Variants in TMEM71 observed in about 807,000 individuals in gnomAD.
The protein encoded by TMEM71 is transmembrane protein 71.
A neutral mutation model predicts 38.0 loss-of-function variants in TMEM71; 44 were observed. The ratio of observed to expected loss-of-function variants is 1.16; its 90% CI spans 0.91 to 1.49. The LOEUF is 1.49. Among genes scored for constraint, TMEM71 ranks in the 40% most tolerant of loss-of-function variants. TMEM71 has a pLI of 0.00. For missense variants in TMEM71, 367 were observed against 348.6 expected (o/e 1.05, Z -0.42); for synonymous variants, 133 against 122.5 (o/e 1.09, Z -0.56).
chr8:132,714,224 A>G lies in TMEM71; in HGVS notation c.753-9T>C. The G allele has an allele frequency of 6.2e-7, 1 of 1,606,082 alleles. No individual in the cohort carries two copies. Among genetic ancestry groups the G allele is most frequent in the Non-Finnish European group, 8.5e-7 (1 of 1,174,326 alleles). ...TTTCTCCCATAAACCATCTGAAACA[A>G]CAAGATTGCTCTGATTTAGCATACT... On this transcript the variant is annotated splice_polypyrimidine_tract_variant and intron_variant, in intron 7 of 9. Transcript: ENST00000677595.
chr8:132,732,828 A>G (rs1563748817), intron 5 of TMEM71, among the ~76,000 whole-genome samples: 1 of 152,132 alleles, frequency 6.6e-6, no homozygotes, highest in Non-Finnish European at 1.5e-5. Context: ...ACGGGCATCT[A>G]CTGAACAGAG....
In TMEM71 at chr8:132,747,028, A is replaced by G; in HGVS notation, c.401T>C (p.Ile134Thr). 2 of 1,613,886 alleles carry G rather than the reference A, an allele frequency of 1.2e-6. No individual in the cohort carries two copies. The highest frequency in any genetic ancestry group is 1.7e-6 in the Non-Finnish European group (2 of 1,179,926). ...TGGAGAAGAGTTGATGTCACCAAAG[A>G]TACTTCCATGCAGCCAAGATTTGGA... ...STSKSWLHGS[I>T]FGDINSSPSE... Residue 134 changes from isoleucine to threonine, a missense_variant, in exon 5 of 10, where the codon ATC becomes ACC. By Grantham distance (89) the Ile-to-Thr change is moderately conservative. Coordinates refer to ENST00000677595, the MANE Select transcript of TMEM71 (RefSeq NM_001382403.1).
Position 132,751,869 on chromosome 8 carries a change from T to C in TMEM71, c.230A>G (p.Glu77Gly). ...ATCTTTGTCGCACAGGAAGCTGTCT[T>C]CAGTCCAAATATAGTAGCCATTGGT... Reference protein sequence around the residue: ...LLTNGYYIWTEDSFLCDKDGN... With the variant: ...LLTNGYYIWTGDSFLCDKDGN... The change falls in exon 4 of 10, where the codon GAA becomes GGA. Residue 77 changes from glutamate (E) to glycine (G), a missense_variant. Transcript: ENST00000677595. 6.2e-7 allele frequency: 1 copy of C among 1,614,066 alleles called. No homozygotes were observed. Among genetic ancestry groups the C allele is most frequent in the Non-Finnish European group, 8.5e-7 (1 of 1,180,048 alleles).
chr8:132,715,619 A>C (rs1033919398), intron 7 of TMEM71, among the ~76,000 whole-genome samples: 1 of 152,108 alleles, frequency 6.6e-6, no homozygotes, highest in East Asian at 1.9e-4. Flanking sequence ...TCTGTACAAA[A>C]ATCTGCATAT....
rs756185040 is a variant in TMEM71 at position 132,757,974 on chromosome 8, G to T, written c.41-680C>A. 3.3e-5 allele frequency: 5 copies of T among 152,196 alleles called. No individual in the cohort carries two copies. In the South Asian group the frequency reaches 1.0e-3, roughly 31 times the overall value. The allele number at this position is 152,196 out of a possible 1,614,324, so 9.4% of individuals were successfully genotyped here. ...TCAATTACCCAATGTGTTGGTTATT[G>T]CAGCTTACTCAGTAATCTGAGGAAT... On this transcript the variant is annotated intron_variant, in intron 2 of 9. Coordinates refer to ENST00000677595, the MANE Select transcript of TMEM71 (RefSeq NM_001382403.1).
intron 7 of TMEM71, among the ~76,000 whole-genome samples, 167 bp from the exon 8 acceptor site, chr8:132,714,382 A>G (rs1593398): frequency 0.42 from 64,211 of 152,082 alleles, 15,028 homozygotes; most frequent in African/African-American, 0.63. Flanking sequence ...AATGAAAGAG[A>G]GTAGACAGCC....
At chr8:132,762,485 T>C (rs1829315076), upstream of TMEM71, among the ~76,000 whole-genome samples, 1 of 152,198 alleles carries the variant, frequency 6.6e-6, no homozygotes, top group Non-Finnish European at 1.5e-5. Flanking sequence ...TCTACTTTTT[T>C]TTTTTTTAAA....
At chr8:132,738,022 CT>C (rs769645852) in intron 5 of TMEM71, among the ~76,000 whole-genome samples, 39 of 152,172 alleles carry the variant, frequency 2.6e-4, no homozygotes, top group Admixed American at 1.2e-3. Flanking sequence ...TGATCCTCAG[CT>C]GTTCTTTTCT....
intron 3 of TMEM71, among the ~76,000 whole-genome samples, chr8:132,753,992 T>A (rs1828870617): frequency 6.6e-6 from 1 of 152,166 alleles, no homozygotes; most frequent in Non-Finnish European, 1.5e-5. Context: ...CTCCAGTTCA[T>A]TTAATTCATC....
At chr8:132,722,729 T>G (rs960788456) in intron 6 of TMEM71, among the ~76,000 whole-genome samples, 6 of 152,180 alleles carry the variant, frequency 3.9e-5, no homozygotes, top group Admixed American at 2.6e-4. Context: ...ATAATGGAAG[T>G]CTCTAAAGAC....
the TMEM71 span, among the ~76,000 whole-genome samples, chr8:132,768,609 G>A: frequency 2.0e-5 from 3 of 152,134 alleles, no homozygotes. Flanking sequence ...AAACCAAAGG[G>A]TGTTTCTCCT....
At chr8:132,722,746 T>G (rs1433927275) in intron 6 of TMEM71, among the ~76,000 whole-genome samples, 1 of 152,134 alleles carries the variant, frequency 6.6e-6, no homozygotes, top group African/African-American at 2.4e-5. Flanking sequence ...AGACAAAAAA[T>G]GAGAACATAT....
At chr8:132,717,368 A>G (rs939285649) in intron 7 of TMEM71, among the ~76,000 whole-genome samples, 1 of 152,266 alleles carries the variant, frequency 6.6e-6, no homozygotes, top group African/African-American at 2.4e-5. Context: ...CAGAATATAT[A>G]AAGAATTATT....
intron 9 of TMEM71, among the ~76,000 whole-genome samples, chr8:132,712,184 A>ATGTG (rs1258381389): frequency 6.6e-6 from 1 of 152,158 alleles, no homozygotes; most frequent in Non-Finnish European, 1.5e-5. Flanking sequence ...TTAAATGCAA[A>ATGTG]TGTGTGTGTA....
chr8:132,750,530 C>A (rs772386213), intron 4 of TMEM71, among the ~76,000 whole-genome samples: 30 of 152,160 alleles, frequency 2.0e-4, no homozygotes, highest in Non-Finnish European at 3.7e-4. Context: ...ATACTTGATT[C>A]CAACTGAAGC....
chr8:132,755,092 T>C (rs1049090658), intron 3 of TMEM71, among the ~76,000 whole-genome samples: 20 of 152,228 alleles, frequency 1.3e-4, no homozygotes, highest in African/African-American at 4.8e-4. Context: ...GGGGCAACTA[T>C]ATGGTGCTGG....
At chr8:132,746,856 GGAACTGACATTGGTTGAGGACC>G in intron 5 of TMEM71, 64 bp downstream of exon 5, 1 of 1,111,954 alleles carries the variant, frequency 9.0e-7, no homozygotes, top group South Asian at 2.2e-5. Context: ...TGTCATCCCT[GGAACTGACATTGGTTGAGGACC>G]ACAGGGTTAC....
intron 7 of TMEM71, among the ~76,000 whole-genome samples, chr8:132,716,795 T>C (rs550663758): frequency 8.5e-5 from 13 of 152,210 alleles, no homozygotes; most frequent in Admixed American, 2.0e-4. Context: ...TGTCTCTCTG[T>C]CTTTCCCACC....
At chr8:132,767,164 GT>G in the TMEM71 span, among the ~76,000 whole-genome samples, 1 of 152,154 alleles carries the variant, frequency 6.6e-6, no homozygotes, top group Non-Finnish European at 1.5e-5. Flanking sequence ...TGTGGCTCTT[GT>G]TTCTGCCCTC....
Sources: allele counts gnomAD v4.1 joint callset (sites outside exome capture counted in the v4.1 genomes callset), GRCh38; gene constraint gnomAD v4.1.1; transcripts MANE v1.5; gene names NCBI Gene and HGNC (gene_info 2026-07-23, HGNC 2026-07-21).